The following GPAT3 variants were observed in gnomAD, a reference collection of about 807,000 sequenced individuals.
The protein encoded by GPAT3 is glycerol-3-phosphate acyltransferase 3.
Under a neutral mutation model 58.8 loss-of-function variants are expected in GPAT3, and 53 were observed. The observed-to-expected ratio is 0.90, with a 90% confidence interval of 0.72 to 1.13. The LOEUF (loss-of-function observed/expected upper bound fraction) is 1.13. Among genes scored for constraint, GPAT3 ranks in the 50% most tolerant of loss-of-function variants. The probability of loss-of-function intolerance (pLI) is 0.00; values close to 1 mark genes in which losing one functional copy is unlikely to be tolerated. For synonymous variants in GPAT3, 197 were observed against 187.4 expected (o/e 1.05, Z -0.42); for missense variants, 511 against 527.6 (o/e 0.97, Z 0.31).
intron 5 of GPAT3, 84 bp from the exon 6 acceptor site, chr4:83,590,115 C>G: frequency 7.9e-7 from 1 of 1,271,418 alleles, no homozygotes; most frequent in Non-Finnish European, 1.1e-6. Flanking sequence ...TATACACACA[C>G]ACACACTTAA....
At chr4:83,554,801 CT>C (rs34785812) in intron 2 of GPAT3, among the ~76,000 whole-genome samples, 1,389 of 129,940 alleles carry the variant, frequency 0.011, 10 homozygotes, top group Non-Finnish European at 0.017. Context: ...GAAGCTCCCT[CT>C]TTTTTTTTTT....
At chr4:83,577,665 A>C (rs1034165084) in intron 2 of GPAT3, among the ~76,000 whole-genome samples, 2 of 152,118 alleles carry the variant, frequency 1.3e-5, no homozygotes, top group Non-Finnish European at 2.9e-5. Context: ...ATACCTGGGA[A>C]GTGGAATTGC....
intron 2 of GPAT3, among the ~76,000 whole-genome samples, chr4:83,545,938 T>C (rs1384256579): frequency 6.6e-6 from 1 of 152,164 alleles, no homozygotes; most frequent in Non-Finnish European, 1.5e-5. Flanking sequence ...TTTTGGGCCA[T>C]GAATTTTAAT....
At chr4:83,543,893 G>A (rs1391602414) in intron 1 of GPAT3, among the ~76,000 whole-genome samples, 1 of 152,022 alleles carries the variant, frequency 6.6e-6, no homozygotes, top group Non-Finnish European at 1.5e-5. Context: ...CACCCTCCTC[G>A]GCCTCCCAAA....
intron 1 of GPAT3, among the ~76,000 whole-genome samples, chr4:83,543,774 A>G (rs560456627): frequency 6.6e-6 from 1 of 151,968 alleles, no homozygotes; most frequent in African/African-American, 2.4e-5. Flanking sequence ...CAGAGTAGCT[A>G]GGATTACAGG....
intron 2 of GPAT3, among the ~76,000 whole-genome samples, chr4:83,557,077 AG>A (rs1724969144): frequency 6.6e-6 from 1 of 152,178 alleles, no homozygotes; most frequent in South Asian, 2.1e-4. Context: ...ATTACCTCCC[AG>A]AGGTCCCACC....
chr4:83,604,645 T>C (rs1386392773), intron 11 of GPAT3, 23 bp from the exon 12 acceptor site: 2 of 1,582,518 alleles, frequency 1.3e-6, no homozygotes, highest in Non-Finnish European at 1.7e-6. Flanking sequence ...GTATCTTTTA[T>C]GTATTTGTCT....
intron 3 of GPAT3, among the ~76,000 whole-genome samples, chr4:83,585,615 CTTT>C (rs202185390): frequency 6.9e-6 from 1 of 144,146 alleles, no homozygotes; most frequent in Non-Finnish European, 1.5e-5. Context: ...TACGCTGTTT[CTTT>C]TTTTTTTTTT....
chr4:83,581,053 G>A (rs969193494), intron 2 of GPAT3, among the ~76,000 whole-genome samples: 6 of 124,662 alleles, frequency 4.8e-5, no homozygotes, highest in Admixed American at 2.0e-4. Flanking sequence ...CTGAGATCAC[G>A]CCACTGCACT....
chr4:83,593,166 C>CTT (rs761351611), intron 6 of GPAT3, among the ~76,000 whole-genome samples: 7 of 112,356 alleles, frequency 6.2e-5, no homozygotes, highest in East Asian at 5.7e-4. Context: ...CGAGCCAGGA[C>CTT]TTTTTTTTTT....
chr4:83,565,773 G>A (rs553974684), intron 2 of GPAT3, among the ~76,000 whole-genome samples: 1 of 152,334 alleles, frequency 6.6e-6, no homozygotes, highest in African/African-American at 2.4e-5. Flanking sequence ...GGGTCCAGGG[G>A]ACCGGAGCGT....
chr4:83,575,337 C>G (rs1430253198), intron 2 of GPAT3, among the ~76,000 whole-genome samples: 1 of 152,150 alleles, frequency 6.6e-6, no homozygotes, highest in Non-Finnish European at 1.5e-5. Flanking sequence ...AACTCAGACC[C>G]TCAATAGTCA....
At position 83,554,463 on chromosome 4, in the gene GPAT3, C is replaced by T. The variant is rs1724877457; in HGVS notation, c.208+9861C>T. Among the ~76,000 whole-genome samples the T allele has an allele frequency of 2.6e-5, 4 of 152,222 alleles. No homozygotes were observed. The South Asian group carries it at 8.3e-4, about 32-fold the overall frequency. ...AATCCCAATCAAAACTCCAAAGCTT[C>T]TTTATTTTGTTTCTATCTTTTAGGC... On this transcript the variant is annotated intron_variant, in intron 2 of 11. Transcript: ENST00000264409.
chr4:83,587,191 A>AT (rs1326224786), intron 3 of GPAT3, 64 bp from the exon 4 acceptor site: 11 of 1,285,880 alleles, frequency 8.6e-6, no homozygotes, highest in Non-Finnish European at 1.2e-5. Flanking sequence ...ATTATTTAGG[A>AT]ACTTTTTGGT....
In GPAT3 at chr4:83,587,255, G is replaced by A; in HGVS notation, c.480G>A (p.Arg160=). 3.7e-6 allele frequency: 6 copies of A among 1,612,894 alleles called. No homozygotes were observed. Among genetic ancestry groups the A allele is most frequent in the Non-Finnish European group, 5.1e-6 (6 of 1,179,618 alleles). The part of the protein sequence containing the change: ...IVRYCVLLPL[R]VTLAFIGISL... ...TATGGCCCTCTCTTTTCTTTTTCAG[G>A]GTTACCTTGGCTTTCATTGGGATCA... The change falls in exon 4 of 12, where the codon AGG becomes AGA. Residue 160 remains arginine (R), a splice_region_variant and synonymous_variant. Coordinates refer to ENST00000264409, the MANE Select transcript of GPAT3 (RefSeq NM_032717.5).
At chr4:83,581,964 T>G (rs771034276) in intron 3 of GPAT3, 132 bp downstream of exon 3, 4 of 1,248,334 alleles carry the variant, frequency 3.2e-6, no homozygotes, top group Non-Finnish European at 4.4e-6. Context: ...CCACCAAACA[T>G]GACCTCTAAA....
intron 11 of GPAT3, among the ~76,000 whole-genome samples, chr4:83,600,669 A>ATT (rs111602651): frequency 6.6e-6 from 1 of 151,566 alleles, no homozygotes; most frequent in African/African-American, 2.4e-5. Flanking sequence ...TCCCCAGCTA[A>ATT]TTTTTTTTGT....
chr4:83,597,010 C>CATTCCTCTAAGGGCAG, intron 8 of GPAT3, 97 bp downstream of exon 8: 1 of 1,061,248 alleles, frequency 9.4e-7, no homozygotes, highest in Non-Finnish European at 1.4e-6. Flanking sequence ...AACCTTAGCC[C>CATTCCTCTAAGGGCAG]AGATCTCTGC....
At chr4:83,554,044 G>C (rs1200728354) in intron 2 of GPAT3, among the ~76,000 whole-genome samples, 2 of 151,982 alleles carry the variant, frequency 1.3e-5, no homozygotes, top group Non-Finnish European at 2.9e-5. Context: ...AGGCTAGAGT[G>C]CAGTGGTAAG....
Sources: gnomAD v4.1 joint callset for allele counts (sites outside exome capture counted in the v4.1 genomes callset) on GRCh38, gnomAD v4.1.1 for gene constraint, MANE v1.5 for transcripts, NCBI Gene and HGNC (gene_info 2026-07-23, HGNC 2026-07-21) for gene names.